Variants in TCP11L2 observed in about 807,000 individuals in gnomAD.
The protein encoded by TCP11L2 is t-complex 11 like 2, also known as T-complex protein 11-like protein 2.
A neutral mutation model predicts 50.7 loss-of-function variants in TCP11L2; 39 were observed. The ratio of observed to expected loss-of-function variants is 0.77; its 90% confidence interval spans 0.60 to 1.01. TCP11L2 has a LOEUF of 1.01. Ranked by LOEUF, TCP11L2 falls within the 50% of genes least tolerant of loss-of-function variation. TCP11L2 has a pLI of 0.00. For missense variants in TCP11L2, 612 were observed against 614.7 expected, an observed-to-expected ratio of 1.00 and a Z score of 0.05; for synonymous variants, 192 against 219.3, an observed-to-expected ratio of 0.88 and a Z score of 1.10.
intron 6 of TCP11L2, among the ~76,000 whole-genome samples, chr12:106,332,254 G>A (rs1418240225): frequency 1.3e-5 from 2 of 152,100 alleles, no homozygotes; most frequent in African/African-American, 4.8e-5. Flanking sequence ...AAATCATTAG[G>A]CAGTTTCTTA....
intron 6 of TCP11L2, among the ~76,000 whole-genome samples, chr12:106,334,940 T>TA (rs746865273): frequency 6.0e-5 from 9 of 150,506 alleles, no homozygotes; most frequent in East Asian, 1.9e-4. Context: ...GACCCCGTCT[T>TA]AAAAAAAAAG....
intron 1 of TCP11L2, among the ~76,000 whole-genome samples, chr12:106,310,568 A>G (rs890011219): frequency 3.9e-5 from 6 of 152,238 alleles, no homozygotes; most frequent in Non-Finnish European, 8.8e-5. Context: ...GATGAATTCT[A>G]TTCAATCTTC....
At chr12:106,324,164 T>C (rs2035456685) in intron 6 of TCP11L2, 1 of 152,304 alleles carries the variant, frequency 6.6e-6, no homozygotes, top group East Asian at 1.9e-4. Flanking sequence ...AAAGGGACAG[T>C]AATGGGTCAG....
At chr12:106,323,667 A>G (rs772573374) in intron 6 of TCP11L2, 21 bp downstream of exon 6, 1 of 1,307,682 alleles carries the variant, frequency 7.6e-7, no homozygotes, top group East Asian at 2.8e-5. Flanking sequence ...TATAATGTGT[A>G]TTTATATTGA....
rs768464120 is a variant in TCP11L2 at position 106,321,525 on chromosome 12, C to T, written c.454C>T (p.Arg152Cys). The change falls in exon 5 of 10, where the codon CGC becomes TGC. Residue 152 changes from arginine (R) to cysteine (C), a missense_variant. Transcript: ENST00000299045. ...SFLTPGGNRL[R>C]NQICEVLDTD... ...TCTCACTCCCGGTGGCAACCGGCTT[C>T]GCAACCAAATCTGTGAAGTTTTGGA... The T allele has an allele frequency of 2.2e-5, 35 of 1,614,058 alleles. No individual in the cohort carries two copies. Among genetic ancestry groups the T allele is most frequent in the African/African-American group, 5.3e-5 (4 of 74,908 alleles).
At chr12:106,302,548 C>T (rs950671950), upstream of TCP11L2, among the ~76,000 whole-genome samples, 2 of 151,694 alleles carry the variant, frequency 1.3e-5, no homozygotes, top group African/African-American at 4.8e-5. Context: ...GCACCACTCG[C>T]CGCGCGGGGG....
intron 6 of TCP11L2, among the ~76,000 whole-genome samples, chr12:106,334,991 A>T (rs376618773): frequency 6.6e-6 from 1 of 152,040 alleles, no homozygotes; most frequent in Non-Finnish European, 1.5e-5. Context: ...CCCCATTCCC[A>T]TCGCTGGTGT....
intron 1 of TCP11L2, among the ~76,000 whole-genome samples, chr12:106,306,939 C>T (rs2034654330): frequency 6.6e-6 from 1 of 152,214 alleles, no homozygotes; most frequent in Admixed American, 6.5e-5. Flanking sequence ...CAATTCTGAA[C>T]CAGTGCAGAA....
At chr12:106,306,355 AT>A (rs1198748329) in intron 1 of TCP11L2, among the ~76,000 whole-genome samples, 7 of 152,256 alleles carry the variant, frequency 4.6e-5, no homozygotes, top group South Asian at 2.1e-4. Flanking sequence ...GTGCTTTATT[AT>A]TTTTTCTCTC....
In TCP11L2 at chr12:106,340,873, G is replaced by C; in HGVS notation, c.1190G>C (p.Cys397Ser). Residue 397 changes from cysteine to serine, a missense_variant, in exon 9 of 10, where the codon TGT (cysteine) becomes TCT (serine). Physicochemically the swap from Cys to Ser is moderately radical, Grantham distance 112 (BLOSUM62 -1). Transcript: ENST00000299045. ...EVLNSIGIQT[C>S]VEVNKTLMER... is the part of the protein sequence containing the mutation. ...CTGAATTCTATTGGTATTCAGACTT[G>C]TGTTGAGGTTAACAAGACCCTGATG... 6.2e-7 allele frequency: 1 copy of C among 1,613,404 alleles called. No homozygotes were observed. The highest frequency in any genetic ancestry group is 1.1e-5 in the South Asian group (1 of 90,904).
intron 6 of TCP11L2, among the ~76,000 whole-genome samples, chr12:106,335,015 A>G (rs182008359): frequency 1.3e-5 from 2 of 152,064 alleles, no homozygotes; most frequent in Non-Finnish European, 2.9e-5. Flanking sequence ...TAACCTGGGG[A>G]CTGTCAATCT....
At chr12:106,311,405 A>G (rs1169576775) in intron 2 of TCP11L2, among the ~76,000 whole-genome samples, 173 bp downstream of exon 2, 2 of 152,194 alleles carry the variant, frequency 1.3e-5, no homozygotes, top group African/African-American at 4.8e-5. Flanking sequence ...AGAAATAGCC[A>G]CTAAAGTTTA....
chr12:106,341,671 C>G (rs2036097840), intron 9 of TCP11L2, among the ~76,000 whole-genome samples: 1 of 152,220 alleles, frequency 6.6e-6, no homozygotes, highest in Non-Finnish European at 1.5e-5. Context: ...TTTCCCGCCT[C>G]CAGCTCTCAA....
In TCP11L2 at chr12:106,330,214, T is replaced by C. The variant is rs1016448286; in HGVS notation, c.773-5425T>C. The C allele has an allele frequency of 1.3e-5, 13 of 985,336 alleles. No individual in the cohort carries two copies. The African/African-American group carries it at 2.3e-4, about 17-fold the overall frequency. 61.0% of individuals were successfully genotyped at this position (985,336 alleles called of 1,614,324 possible). A position where few individuals can be genotyped will look rare whatever the true frequency, so the allele number is the denominator to read the frequency against. The stretch of plus-strand genomic sequence containing the variant: ...TACTGCCTCCAAACTTTCAGCCTCC[T>C]GGAATAGCCTTGGCATGTCAAATTT... On this transcript the variant is annotated intron_variant, in intron 6 of 9. Transcript: ENST00000299045.
intron 6 of TCP11L2, chr12:106,325,453 G>A (rs2035502167): frequency 6.6e-6 from 1 of 152,290 alleles, no homozygotes; most frequent in Non-Finnish European, 1.5e-5. Flanking sequence ...CGTGAAGAAG[G>A]TATTTGGAGA....
At chr12:106,344,431 C>T (rs890543115) in intron 9 of TCP11L2, among the ~76,000 whole-genome samples, 5 of 152,198 alleles carry the variant, frequency 3.3e-5, no homozygotes, top group African/African-American at 7.2e-5. Context: ...TCATATGTCA[C>T]GATAGTCTGG....
At chr12:106,339,969 C>A (rs1044872676) in intron 8 of TCP11L2, among the ~76,000 whole-genome samples, 1 of 152,158 alleles carries the variant, frequency 6.6e-6, no homozygotes, top group African/African-American at 2.4e-5. Context: ...CTGCTAAGAG[C>A]TAAATATTAG....
At chr12:106,326,345 A>G (rs921243867) in intron 6 of TCP11L2, among the ~76,000 whole-genome samples, 2 of 152,138 alleles carry the variant, frequency 1.3e-5, no homozygotes, top group Non-Finnish European at 2.9e-5. Flanking sequence ...CAGGTGGGCC[A>G]TGGCCCCATC....
chr12:106,329,763 TAA>T (rs2035683146), intron 6 of TCP11L2: 1 of 1,004,290 alleles, frequency 1.0e-6, no homozygotes, highest in Non-Finnish European at 1.2e-6. Flanking sequence ...TGCCACATTG[TAA>T]TTATATTCAC....
Sources: allele counts gnomAD v4.1 joint callset (sites outside exome capture counted in the v4.1 genomes callset), GRCh38; gene constraint gnomAD v4.1.1; transcripts MANE v1.5; gene names NCBI Gene and HGNC (gene_info 2026-07-23, HGNC 2026-07-21).